Variants in GNA12 observed in about 807,000 individuals in gnomAD.
The protein encoded by GNA12 is guanine nucleotide-binding protein subunit alpha-12.
A neutral mutation model predicts 26.0 loss-of-function variants in GNA12; 9 were observed. The observed-to-expected ratio is 0.35, with a 90% CI of 0.21 to 0.60. The LOEUF (loss-of-function observed/expected upper bound fraction) is 0.60. Ranked by LOEUF, GNA12 falls within the 20% of genes least tolerant of loss-of-function variation. The pLI is 0.78. For synonymous variants in GNA12, 264 were observed against 219.6 expected (o/e 1.20, Z -1.79); for missense variants, 405 against 525.8 (o/e 0.77, Z 2.25).
intron 1 of GNA12, among the ~76,000 whole-genome samples, chr7:2,816,915 T>C (rs543419863): frequency 6.6e-6 from 1 of 152,318 alleles, no homozygotes; most frequent in South Asian, 2.1e-4. Flanking sequence ...TCTGCTCCCA[T>C]CAAGTCAGTC....
intron 2 of GNA12, among the ~76,000 whole-genome samples, chr7:2,755,061 C>T (rs1181705522): frequency 7.9e-5 from 12 of 152,196 alleles, no homozygotes; most frequent in Non-Finnish European, 1.8e-4. Flanking sequence ...GTTGCTTCTG[C>T]CCTTGGCTGC....
At chr7:2,787,068 G>A (rs1387114770) in intron 2 of GNA12, among the ~76,000 whole-genome samples, 1 of 152,010 alleles carries the variant, frequency 6.6e-6, no homozygotes, top group Non-Finnish European at 1.5e-5. Flanking sequence ...GACAAGCGGT[G>A]GGCTCCCCAG....
At chr7:2,762,582 A>G in intron 2 of GNA12, 1 of 1,490,398 alleles carries the variant, frequency 6.7e-7, no homozygotes. Flanking sequence ...TGAAAATTAC[A>G]TTTACAAACC....
chr7:2,839,620 G>A (rs907150297), intron 1 of GNA12, among the ~76,000 whole-genome samples: 2 of 152,218 alleles, frequency 1.3e-5, no homozygotes, highest in Non-Finnish European at 2.9e-5. Flanking sequence ...CTGGGTTCAA[G>A]CAATCTGCCT....
At chr7:2,734,910 G>A (rs1583208038) in intron 2 of GNA12, among the ~76,000 whole-genome samples, 1 of 152,106 alleles carries the variant, frequency 6.6e-6, no homozygotes, top group South Asian at 2.1e-4. Flanking sequence ...CAGGGTGAAC[G>A]TACCCCAAGG....
chr7:2,807,589 A>G (rs1401366808), intron 1 of GNA12, among the ~76,000 whole-genome samples: 2 of 151,994 alleles, frequency 1.3e-5, no homozygotes, highest in Non-Finnish European at 2.9e-5. Flanking sequence ...AAGAGAGAAA[A>G]AAAAAAAAAC....
At chr7:2,739,826 C>G (rs189060900) in intron 2 of GNA12, among the ~76,000 whole-genome samples, 1 of 152,300 alleles carries the variant, frequency 6.6e-6, no homozygotes, top group Non-Finnish European at 1.5e-5. Flanking sequence ...CGTGCGCCAC[C>G]AAACCTGGCT....
intron 2 of GNA12, among the ~76,000 whole-genome samples, chr7:2,794,218 T>C (rs76459868): frequency 6.6e-6 from 1 of 152,132 alleles, no homozygotes; most frequent in African/African-American, 2.4e-5. Flanking sequence ...ATTCATGACT[T>C]CAACTTGACT....
At chr7:2,842,110 G>GGAAGAAAGGAAGAAAAGGAA (rs1554264371) in intron 1 of GNA12, among the ~76,000 whole-genome samples, 35,695 of 145,142 alleles carry the variant, frequency 0.25, 4,892 homozygotes, top group East Asian at 0.34. Context: ...AAGGAAGGAA[G>GGAAGAAAGGAAGAAAAGGAA]GGAAGGGAGG....
At chr7:2,758,103 C>A (rs1421878471) in intron 2 of GNA12, among the ~76,000 whole-genome samples, 3 of 152,200 alleles carry the variant, frequency 2.0e-5, no homozygotes, top group Non-Finnish European at 4.4e-5. Flanking sequence ...TTGCTTCAGG[C>A]TCTTTATGGA....
intron 1 of GNA12, chr7:2,835,769 T>C (rs948197256): frequency 4.0e-6 from 3 of 747,638 alleles, no homozygotes; most frequent in Non-Finnish European, 7.3e-6. Context: ...CTCCAAAACG[T>C]AGAAGATGCT....
At chr7:2,750,736 T>G (rs1486851394) in intron 2 of GNA12, among the ~76,000 whole-genome samples, 1 of 151,996 alleles carries the variant, frequency 6.6e-6, no homozygotes, top group Non-Finnish European at 1.5e-5. Context: ...ACACACACAG[T>G]GTGAAGAGCA....
chr7:2,735,099 C>T (rs1035710915), intron 2 of GNA12, among the ~76,000 whole-genome samples: 3 of 127,496 alleles, frequency 2.4e-5, no homozygotes, highest in African/African-American at 5.7e-5. Context: ...TGGGAGAAGC[C>T]GTTGGGTGCA....
At chr7:2,747,768 G>C (rs1790838395) in intron 2 of GNA12, among the ~76,000 whole-genome samples, 1 of 152,166 alleles carries the variant, frequency 6.6e-6, no homozygotes, top group African/African-American at 2.4e-5. Flanking sequence ...ATATTATCTA[G>C]AAAACCCCAT....
intron 2 of GNA12, among the ~76,000 whole-genome samples, chr7:2,771,491 C>T (rs138354825): frequency 3.9e-5 from 6 of 152,196 alleles, no homozygotes; most frequent in African/African-American, 9.7e-5. Flanking sequence ...AACCCGTGGT[C>T]GGCATCTATC....
chr7:2,761,267 T>A (rs1791541401), intron 2 of GNA12, among the ~76,000 whole-genome samples: 4 of 152,090 alleles, frequency 2.6e-5, no homozygotes, highest in African/African-American at 9.7e-5. Flanking sequence ...CCTCTGGGTC[T>A]CAGTTTCCTC....
rs1367884539 is a variant in GNA12 at position 2,780,048 on chromosome 7, GTACATATATATATATATATATATATATA to G, written c.525+14852_525+14879del. 1.3e-4 allele frequency among the ~76,000 whole-genome samples: 11 copies of G among 84,728 alleles called. 1 individual carries two copies. Among genetic ancestry groups the G allele is most frequent in the African/African-American group, 5.2e-4 (9 of 17,436 alleles). 55.6% of individuals were successfully genotyped at this position (84,728 alleles called of 152,430 possible). On this transcript the variant is annotated intron_variant, in intron 2 of 3. Coordinates refer to ENST00000275364, the MANE Select transcript of GNA12 (RefSeq NM_007353.3). ...GTACTAGTTTTTTACACATTTCTGT[GTACATATATATATATATATATATATATA>G]TATATATATATATATATGCCTGTTT... is the stretch of plus-strand genomic sequence containing the variant.
rs1326386778 is a variant in GNA12 at position 2,730,420 on chromosome 7, T to C, written c.*761A>G. 2 of 152,532 alleles carry C rather than the reference T, an allele frequency of 1.3e-5. No homozygotes were observed. Among genetic ancestry groups the C allele is most frequent in the African/African-American group, 2.4e-5 (1 of 41,396 alleles). 9.4% of individuals were successfully genotyped at this position (152,532 alleles called of 1,614,324 possible). On this transcript the variant is annotated 3_prime_UTR_variant, in exon 4 of 4. Transcript: ENST00000275364. Reference sequence around the variant, plus strand: ...GGGCATCCTGTCTCACTCCGTGTTGTGCTGCTGGGCATGGGGCAGGGTGGG... The same window carrying C: ...GGGCATCCTGTCTCACTCCGTGTTGCGCTGCTGGGCATGGGGCAGGGTGGG...
intron 2 of GNA12, among the ~76,000 whole-genome samples, chr7:2,740,697 T>TA (rs542860632): frequency 8.2e-4 from 125 of 152,296 alleles, no homozygotes; most frequent in African/African-American, 2.8e-3. Context: ...GGCTCATTCT[T>TA]AAACAGTTTC....
Sources: allele counts gnomAD v4.1 joint callset (sites outside exome capture counted in the v4.1 genomes callset), GRCh38; gene constraint gnomAD v4.1.1; transcripts MANE v1.5; gene names NCBI Gene and HGNC (gene_info 2026-07-23, HGNC 2026-07-21).